Variants in GRIN2A observed in about 807,000 individuals in gnomAD.
GRIN2A encodes the protein glutamate ionotropic receptor NMDA type subunit 2A.
In GRIN2A, 22 loss-of-function variants were observed where a neutral mutation model predicts 113.4. The observed-to-expected ratio is 0.19, with a 90% CI of 0.14 to 0.28. GRIN2A has a LOEUF of 0.28. Ranked by LOEUF, GRIN2A falls within the 10% of genes least tolerant of loss-of-function variation. The pLI, the probability that GRIN2A is intolerant of heterozygous loss-of-function variation, is 1.00. For missense variants in GRIN2A, 1,502 were observed against 1,887.0 expected (o/e 0.80, Z 3.78); for synonymous variants, 827 against 738.4 (o/e 1.12, Z -1.94).
At chr16:9,946,148 C>G (rs2045012861) in intron 2 of GRIN2A, among the ~76,000 whole-genome samples, 1 of 152,178 alleles carries the variant, frequency 6.6e-6, no homozygotes, top group African/African-American at 2.4e-5. Flanking sequence ...AAAGGAGGCC[C>G]TGCTGAGATT....
intron 10 of GRIN2A, among the ~76,000 whole-genome samples, chr16:9,821,156 A>G (rs6497523): frequency 0.35 from 53,674 of 151,898 alleles, 10,979 homozygotes; most frequent in African/African-American, 0.57. Context: ...TTATTAAGCC[A>G]CAAGGAGAAT....
At chr16:10,058,820 A>G (rs988116595) in intron 2 of GRIN2A, among the ~76,000 whole-genome samples, 8 of 152,260 alleles carry the variant, frequency 5.3e-5, no homozygotes, top group African/African-American at 1.4e-4. Flanking sequence ...CTAGCAATAT[A>G]CAAGGCCAAA....
chr16:9,839,110 T>C (rs1407646244), intron 7 of GRIN2A, among the ~76,000 whole-genome samples: 1 of 152,208 alleles, frequency 6.6e-6, no homozygotes, highest in Non-Finnish European at 1.5e-5. Context: ...AGATTCACGT[T>C]TGTCTTAACC....
At chr16:10,105,138 G>GGAAGCCTGGA (rs150267828) in intron 2 of GRIN2A, among the ~76,000 whole-genome samples, 1 of 151,842 alleles carries the variant, frequency 6.6e-6, no homozygotes, top group Non-Finnish European at 1.5e-5. Flanking sequence ...CTCTAGAGAT[G>GGAAGCCTGGA]GAAGCCTGGA....
intron 2 of GRIN2A, among the ~76,000 whole-genome samples, chr16:9,948,381 C>T (rs577477553): frequency 2.7e-4 from 41 of 152,232 alleles, no homozygotes; most frequent in African/African-American, 7.2e-4. Context: ...AGCAAGCTCC[C>T]GAGTGGCATC....
rs1252287968 is a variant in GRIN2A, at chr16:9,893,144, T to G, written c.1008-2044A>C. On this transcript the variant is annotated intron_variant, in intron 3 of 12. Transcript: ENST00000330684. ...GAAAAGAGCAAATATTGTGTATTTA[T>G]TCAACAGACCATTCGGGTCATTGAA... Among the ~76,000 whole-genome samples, 5 of 152,174 alleles carry G rather than the reference T, an allele frequency of 3.3e-5. No individual in the cohort carries two copies. The East Asian group carries it at 9.6e-4, about 29-fold the overall frequency.
At chr16:10,145,488 A>G (rs935775444) in intron 2 of GRIN2A, among the ~76,000 whole-genome samples, 6 of 149,888 alleles carry the variant, frequency 4.0e-5, no homozygotes, top group African/African-American at 1.5e-4. Context: ...TTTTAATATT[A>G]TTTAGATGTC....
chr16:9,785,717 G>A (rs983340261), intron 11 of GRIN2A, among the ~76,000 whole-genome samples: 1 of 151,928 alleles, frequency 6.6e-6, no homozygotes. Context: ...AAAAGTATAA[G>A]TTTCAATAAA....
chr16:9,848,211 T>C (rs975481261), intron 5 of GRIN2A, among the ~76,000 whole-genome samples: 1 of 150,318 alleles, frequency 6.7e-6, no homozygotes, highest in Non-Finnish European at 1.5e-5. Context: ...TATATTTCTA[T>C]TTTCATTTAT....
rs375747026 is a variant in GRIN2A at position 9,897,194 on chromosome 16, A to C, written c.1008-6094T>G. 1.1e-4 allele frequency among the ~76,000 whole-genome samples: 17 copies of C among 151,240 alleles called. 1 individual carries two copies. The highest frequency in any genetic ancestry group is 1.1e-3 in the Admixed American group (16 of 15,190). On this transcript the variant is annotated intron_variant, in intron 3 of 12. Coordinates refer to ENST00000330684, the MANE Select transcript of GRIN2A (RefSeq NM_001134407.3). Reference sequence around the variant, plus strand: ...CAGTGACAGTCACAACACTAAATACATATATATTTACATATTTTATATATA... The same window carrying C: ...CAGTGACAGTCACAACACTAAATACCTATATATTTACATATTTTATATATA...
intron 2 of GRIN2A, chr16:10,111,595 A>G: frequency 2.9e-6 from 3 of 1,049,288 alleles, no homozygotes; most frequent in Non-Finnish European, 4.4e-6. Context: ...CCCTATGGAC[A>G]CTGAGACAGA....
At chr16:10,145,406 T>C (rs2049418694) in intron 2 of GRIN2A, among the ~76,000 whole-genome samples, 2 of 152,206 alleles carry the variant, frequency 1.3e-5, no homozygotes, top group African/African-American at 2.4e-5. Flanking sequence ...ATTACCTTGA[T>C]TGTGGCCATG....
intron 2 of GRIN2A, among the ~76,000 whole-genome samples, chr16:10,074,053 A>G (rs72774141): frequency 6.6e-6 from 1 of 152,192 alleles, no homozygotes; most frequent in Admixed American, 6.5e-5. Context: ...CTCCGTTTTT[A>G]AAAAAGGCAA....
intron 2 of GRIN2A, among the ~76,000 whole-genome samples, chr16:9,963,399 A>C (rs918869018): frequency 4.0e-5 from 6 of 151,874 alleles, no homozygotes; most frequent in Non-Finnish European, 8.8e-5. Context: ...CCCCGCATGC[A>C]TTAGGTATTT....
At chr16:9,839,059 T>C (rs534435265) in intron 7 of GRIN2A, among the ~76,000 whole-genome samples, 25 of 152,198 alleles carry the variant, frequency 1.6e-4, no homozygotes, top group African/African-American at 6.0e-4. Flanking sequence ...TGAAATTTTT[T>C]AAAAATTATA....
chr16:10,075,047 G>T (rs2047841789), intron 2 of GRIN2A, among the ~76,000 whole-genome samples: 1 of 152,046 alleles, frequency 6.6e-6, no homozygotes, highest in South Asian at 2.1e-4. Flanking sequence ...CCCAGTGTAG[G>T]CATTGAGAAT....
chr16:9,952,696 A>G (rs1282554428), intron 2 of GRIN2A, among the ~76,000 whole-genome samples: 2 of 152,194 alleles, frequency 1.3e-5, no homozygotes, highest in African/African-American at 4.8e-5. Context: ...GAAGTCAGGT[A>G]TATTCTGTTT....
At chr16:10,101,789 C>G (rs1208036466) in intron 2 of GRIN2A, among the ~76,000 whole-genome samples, 3 of 152,176 alleles carry the variant, frequency 2.0e-5, no homozygotes, top group Non-Finnish European at 4.4e-5. Context: ...CTCACACAAC[C>G]TTCAGATCTT....
At chr16:9,934,291 G>C (rs2141618099) in intron 3 of GRIN2A, among the ~76,000 whole-genome samples, 1 of 152,192 alleles carries the variant, frequency 6.6e-6, no homozygotes, top group Admixed American at 6.5e-5. Context: ...AGACTGTATG[G>C]TGTTTGAGGA....
Sources: allele counts gnomAD v4.1 joint callset (sites outside exome capture counted in the v4.1 genomes callset), GRCh38; gene constraint gnomAD v4.1.1; transcripts MANE v1.5; gene names NCBI Gene and HGNC (gene_info 2026-07-23, HGNC 2026-07-21).